The following TLL2 variants were observed in gnomAD, a reference collection of about 807,000 sequenced individuals.
TLL2 encodes the protein tolloid-like protein 2.
A neutral mutation model predicts 123.0 loss-of-function variants in TLL2; 106 were observed. The ratio of observed to expected loss-of-function variants is 0.86; its 90% CI spans 0.74 to 1.01. The LOEUF (loss-of-function observed/expected upper bound fraction) is 1.01. Ranked by LOEUF, TLL2 falls within the 50% of genes least tolerant of loss-of-function variation. The pLI, the probability that TLL2 is intolerant of heterozygous loss-of-function variation, is 0.00. For synonymous variants in TLL2, 494 were observed against 516.8 expected (o/e 0.96, Z 0.60); for missense variants, 1,332 against 1,336.7 (o/e 1.00, Z 0.06).
intron 7 of TLL2, among the ~76,000 whole-genome samples, chr10:96,419,899 G>T (rs572715740): frequency 4.6e-5 from 7 of 152,240 alleles, no homozygotes; most frequent in African/African-American, 1.4e-4. Flanking sequence ...TTCCCTCTTT[G>T]CTGTGACTGC....
chr10:96,508,643 C>T (rs1283720123), intron 1 of TLL2, among the ~76,000 whole-genome samples: 1 of 152,010 alleles, frequency 6.6e-6, no homozygotes, highest in Admixed American at 6.6e-5. Flanking sequence ...TCATTTGAGC[C>T]TCATGTAGAC....
rs998883410 is a variant in TLL2, at chr10:96,373,638, C to G, written c.2620G>C (p.Ala874Pro). ...SSMFLRFYSDASVQRKGFQAV... is the reference protein window; with the variant it reads ...SSMFLRFYSDPSVQRKGFQAV... ...TGGAAGCCTTTCCTCTGCACTGAGGCATCCGAATAAAACCTGAGAAACATA... is the reference window on the plus strand; with the variant it reads ...TGGAAGCCTTTCCTCTGCACTGAGGGATCCGAATAAAACCTGAGAAACATA... The change falls in exon 19 of 21, where the codon GCC (alanine) becomes CCC (proline). Residue 874 changes from alanine to proline, a missense_variant. Ala to Pro is a conservative substitution (Grantham distance 27, BLOSUM62 -1). Coordinates refer to ENST00000357947, the MANE Select transcript of TLL2 (RefSeq NM_012465.4). 1.9e-6 allele frequency: 3 copies of G among 1,614,126 alleles called. No homozygotes were observed. Among genetic ancestry groups the G allele is most frequent in the African/African-American group, 2.7e-5 (2 of 74,940 alleles).
chr10:96,384,996 A>C (rs1564895571), intron 15 of TLL2, among the ~76,000 whole-genome samples: 1 of 152,262 alleles, frequency 6.6e-6, no homozygotes, highest in Non-Finnish European at 1.5e-5. Context: ...ACAAGAGCAC[A>C]GGGCTCCCAA....
At chr10:96,410,711 G>T in intron 8 of TLL2, 1 of 605,744 alleles carries the variant, frequency 1.7e-6, no homozygotes, top group South Asian at 1.5e-5. Context: ...ACTGAGCATG[G>T]CCTAGAGGTC....
intron 10 of TLL2, among the ~76,000 whole-genome samples, chr10:96,401,196 G>A (rs368714706): frequency 6.6e-5 from 10 of 152,154 alleles, no homozygotes; most frequent in East Asian, 5.8e-4. Context: ...AAAGTTATGC[G>A]TCCATTATGC....
At chr10:96,502,695 C>A (rs1296004531) in intron 1 of TLL2, among the ~76,000 whole-genome samples, 1 of 140,532 alleles carries the variant, frequency 7.1e-6, no homozygotes, top group Non-Finnish European at 1.6e-5. Flanking sequence ...GAGAGGCGAC[C>A]CTGCGACCTG....
chr10:96,445,046 G>C lies in TLL2; in HGVS notation c.364+1045C>G, dbSNP rs551186860. On this transcript the variant is annotated intron_variant, in intron 3 of 20. Coordinates refer to ENST00000357947, the MANE Select transcript of TLL2 (RefSeq NM_012465.4). ...CTACTAAAAATACAAAACATTAGCC[G>C]GGCACGGTGGCGGGCGCCTGTAGTC... is the stretch of plus-strand genomic sequence containing the variant. 6.6e-3 allele frequency among the ~76,000 whole-genome samples: 1,010 copies of C among 152,200 alleles called. 9 individuals are homozygous for C. Among genetic ancestry groups the C allele is most frequent in the African/African-American group, 0.023 (960 of 41,514 alleles).
chr10:96,375,786 CT>C (rs1846133212), intron 18 of TLL2, among the ~76,000 whole-genome samples: 1 of 152,236 alleles, frequency 6.6e-6, no homozygotes, highest in Non-Finnish European at 1.5e-5. Flanking sequence ...TGATCATGGA[CT>C]TTTCCCTCTC....
chr10:96,396,581 CTTTT>C (rs1177349566), intron 11 of TLL2, among the ~76,000 whole-genome samples: 11 of 125,380 alleles, frequency 8.8e-5, no homozygotes, highest in African/African-American at 1.8e-4. Flanking sequence ...TTTCCCCTTT[CTTTT>C]TTTTTTTTTT....
At chr10:96,370,640 T>C (rs937066330) in intron 19 of TLL2, among the ~76,000 whole-genome samples, 2 of 152,214 alleles carry the variant, frequency 1.3e-5, no homozygotes, top group Admixed American at 6.5e-5. Flanking sequence ...GCCTCACTGG[T>C]CGCTGGGATA....
At chr10:96,389,905 G>A (rs773662285) in intron 13 of TLL2, among the ~76,000 whole-genome samples, 1 of 152,262 alleles carries the variant, frequency 6.6e-6, no homozygotes, top group Non-Finnish European at 1.5e-5. Flanking sequence ...AGCAAGAGCC[G>A]TGAGATGTTT....
chr10:96,491,048 G>A (rs1004302333), intron 1 of TLL2, among the ~76,000 whole-genome samples: 12 of 152,146 alleles, frequency 7.9e-5, no homozygotes, highest in Non-Finnish European at 8.8e-5. Context: ...TCCTCACAGA[G>A]ATGTAGAGCT....
At chr10:96,505,743 C>T (rs1216704239) in intron 1 of TLL2, among the ~76,000 whole-genome samples, 1 of 152,204 alleles carries the variant, frequency 6.6e-6, no homozygotes, top group African/African-American at 2.4e-5. Flanking sequence ...TCAGTTCACT[C>T]CACACACTTG....
chr10:96,468,099 T>C (rs1847146524), intron 2 of TLL2, among the ~76,000 whole-genome samples: 1 of 152,090 alleles, frequency 6.6e-6, no homozygotes, highest in Non-Finnish European at 1.5e-5. Flanking sequence ...GCCCATCACC[T>C]CCCCAAACCA....
At chr10:96,483,121 G>A (rs1847326927) in intron 1 of TLL2, among the ~76,000 whole-genome samples, 1 of 152,214 alleles carries the variant, frequency 6.6e-6, no homozygotes, top group Admixed American at 6.5e-5. Flanking sequence ...TGGCCTATAA[G>A]AGGCTGCTAA....
chr10:96,389,835 G>A (rs1846269059), intron 13 of TLL2, among the ~76,000 whole-genome samples: 1 of 152,256 alleles, frequency 6.6e-6, no homozygotes, highest in Admixed American at 6.5e-5. Context: ...AGACTAGAAG[G>A]TAAGGTGCTC....
chr10:96,483,197 G>C lies in TLL2; in HGVS notation c.176-2738C>G, dbSNP rs1847327483. On this transcript the variant is annotated intron_variant, in intron 1 of 20. Transcript: ENST00000357947. ...CCATCCTTGTATGGGAAAGAAACAGGCTGAAAAAGCTGCCCCCATGAAGGG... is the reference window on the plus strand; with the variant it reads ...CCATCCTTGTATGGGAAAGAAACAGCCTGAAAAAGCTGCCCCCATGAAGGG... Among the ~76,000 whole-genome samples the C allele has an allele frequency of 2.0e-5, 3 of 152,302 alleles. No homozygotes were observed. In the South Asian group the frequency reaches 6.2e-4, roughly 32 times the overall value.
chr10:96,429,313 T>C (rs4919017), intron 4 of TLL2, among the ~76,000 whole-genome samples: 149,198 of 151,682 alleles, frequency 0.98, 73,434 homozygotes, highest in Middle Eastern at 1. Flanking sequence ...CAAATCTTCA[T>C]GTTGTATACC....
chr10:96,394,962 C>G lies in TLL2; in HGVS notation c.1726+225G>C, dbSNP rs115984237. Among the ~76,000 whole-genome samples, 214 of 152,320 alleles carry G rather than the reference C, an allele frequency of 1.4e-3. 1 individual carries two copies. Among genetic ancestry groups the G allele is most frequent in the Middle Eastern group, 0.01 (3 of 294 alleles). On this transcript the variant is annotated intron_variant, in intron 13 of 20. Coordinates refer to ENST00000357947, the MANE Select transcript of TLL2 (RefSeq NM_012465.4). ...CTTGTAAACTTATTAGATCTAATTT[C>G]CAAGTACAGAACTTTCTATCGTGTG...
Sources: allele counts gnomAD v4.1 joint callset (sites outside exome capture counted in the v4.1 genomes callset), GRCh38; gene constraint gnomAD v4.1.1; transcripts MANE v1.5; gene names NCBI Gene and HGNC (gene_info 2026-07-23, HGNC 2026-07-21).